Variants in DNAJC5 observed in about 807,000 individuals in gnomAD.
The protein encoded by DNAJC5 is dnaJ homolog subfamily C member 5.
In DNAJC5, 1 loss-of-function variant was observed where a neutral mutation model predicts 23.2. That is an observed-to-expected ratio of 0.04 (90% CI 0.02 to 0.20). DNAJC5 has a LOEUF of 0.20. DNAJC5 is among the 10% of genes least tolerant of loss of function. The pLI, the probability that DNAJC5 is intolerant of heterozygous loss-of-function variation, is 1.00. For synonymous variants in DNAJC5, 136 were observed against 120.0 expected (o/e 1.13, Z -0.87); for missense variants, 180 against 267.0 (o/e 0.67, Z 2.27).
At chr20:63,913,428 G>A (rs192427970) in intron 1 of DNAJC5, among the ~76,000 whole-genome samples, 2 of 149,708 alleles carry the variant, frequency 1.3e-5, no homozygotes, top group South Asian at 4.2e-4. Flanking sequence ...ACAGAGTCTC[G>A]CTCTGTTGCC....
rs1193464145 is a variant in DNAJC5, at chr20:63,932,495, G to T, written c.*927G>T. The T allele has an allele frequency of 3.3e-5, 5 of 152,608 alleles. No homozygotes were observed. Among genetic ancestry groups the T allele is most frequent in the African/African-American group, 1.2e-4 (5 of 41,358 alleles). 9.5% of individuals were successfully genotyped at this position (152,608 alleles called of 1,614,324 possible). ...TTCCATAGCCCTTTTTGGACCTTTA[G>T]AACCACAGATGATAGGACCAGCCCA... is the stretch of plus-strand genomic sequence containing the variant. On this transcript the variant is annotated 3_prime_UTR_variant, in exon 5 of 5. Transcript: ENST00000360864. The surrounding 1 kb of genome is among the most constrained non-coding windows in gnomAD (Gnocchi z 4.4).
At chr20:63,930,285 C>T (rs2053656688) in intron 3 of DNAJC5, among the ~76,000 whole-genome samples, 1 of 151,924 alleles carries the variant, frequency 6.6e-6, no homozygotes, top group Non-Finnish European at 1.5e-5. Flanking sequence ...TTCAAGTGAT[C>T]CTCCCACTTC....
intron 1 of DNAJC5, among the ~76,000 whole-genome samples, chr20:63,899,826 CCA>C (rs1195849476): frequency 2.2e-4 from 33 of 151,192 alleles, no homozygotes; most frequent in Admixed American, 4.0e-4. Flanking sequence ...TGTGATCCGC[CCA>C]TCTTGGCCTC....
chr20:63,906,356 T>C (rs1001989464), intron 1 of DNAJC5, among the ~76,000 whole-genome samples: 2 of 151,802 alleles, frequency 1.3e-5, no homozygotes, highest in Non-Finnish European at 2.9e-5. Context: ...CCAGGTGTGG[T>C]GCAGGCACCT....
intron 1 of DNAJC5, among the ~76,000 whole-genome samples, chr20:63,905,791 A>G (rs1172044000): frequency 6.9e-5 from 10 of 143,932 alleles, no homozygotes; most frequent in South Asian, 2.2e-4. Flanking sequence ...CTGGAGTGCA[A>G]TGGCACCATC....
chr20:63,905,669 A>G (rs1389841031), intron 1 of DNAJC5, among the ~76,000 whole-genome samples: 6 of 151,130 alleles, frequency 4.0e-5, no homozygotes, highest in Admixed American at 4.0e-4. Context: ...TCCTGGGTTC[A>G]AGCAATTCTC....
At chr20:63,911,483 G>A (rs756824590) in intron 1 of DNAJC5, among the ~76,000 whole-genome samples, 1 of 152,182 alleles carries the variant, frequency 6.6e-6, no homozygotes, top group Admixed American at 6.6e-5. Flanking sequence ...TCGGCCGGGC[G>A]CTGCCATGGC....
At position 63,935,419 on chromosome 20, in the gene DNAJC5, C is replaced by G. The variant is rs2053709927; in HGVS notation, c.*3851C>G. 1.3e-5 allele frequency: 2 copies of G among 152,360 alleles called. No individual in the cohort carries two copies. The highest frequency in any genetic ancestry group is 4.8e-5 in the African/African-American group (2 of 41,470). 9.4% of individuals were successfully genotyped at this position (152,360 alleles called of 1,614,324 possible). On this transcript the variant is annotated 3_prime_UTR_variant, in exon 5 of 5. Coordinates refer to ENST00000360864, the MANE Select transcript of DNAJC5 (RefSeq NM_025219.3). ...AGGGCACTGCCACGGCCCCCACCAG[C>G]ATTGGCCTCTGCTCTGCAGGGTGGG...
intron 1 of DNAJC5, among the ~76,000 whole-genome samples, chr20:63,895,577 G>C (rs2053369153): frequency 6.6e-6 from 1 of 151,198 alleles, no homozygotes; most frequent in African/African-American, 2.4e-5. Flanking sequence ...TGAGCACCGT[G>C]GTGGGGGCTG....
At chr20:63,925,639 G>A (rs1362660137) in intron 1 of DNAJC5, among the ~76,000 whole-genome samples, 1 of 151,682 alleles carries the variant, frequency 6.6e-6, no homozygotes, top group East Asian at 1.9e-4. Flanking sequence ...TCTTTGGCTT[G>A]GAGGTGGGTT....
chr20:63,902,855 T>C (rs1004289272), intron 1 of DNAJC5, among the ~76,000 whole-genome samples: 1 of 150,838 alleles, frequency 6.6e-6, no homozygotes, highest in African/African-American at 2.4e-5. Context: ...TTTTTTGTAT[T>C]TTTAGTAGAG....
chr20:63,926,836 G>C (rs527951788), intron 1 of DNAJC5, among the ~76,000 whole-genome samples: 3 of 152,286 alleles, frequency 2.0e-5, no homozygotes, highest in African/African-American at 4.8e-5. Flanking sequence ...ACCCTCCCAG[G>C]CACACCCTGA....
rs184624419 is a variant in DNAJC5 at position 63,899,803 on chromosome 20, G to C, written c.-12+4480G>C. ...TCGCGGTGTTAGCCAGGATGGTCTC[G>C]ATCTCCTGACCTTGTGATCCGCCCA... On this transcript the variant is annotated intron_variant, in intron 1 of 4. Coordinates refer to ENST00000360864, the MANE Select transcript of DNAJC5 (RefSeq NM_025219.3). Among the ~76,000 whole-genome samples the C allele has an allele frequency of 1.7e-3, 252 of 151,380 alleles. 3 individuals carry two copies. Among genetic ancestry groups the C allele is most frequent in the Non-Finnish European group, 2.4e-3 (161 of 67,936 alleles).
intron 1 of DNAJC5, among the ~76,000 whole-genome samples, chr20:63,927,548 A>C (rs981737249): frequency 7.1e-6 from 1 of 141,104 alleles, no homozygotes; most frequent in Non-Finnish European, 1.6e-5. Context: ...CCCCCCCCAA[A>C]AAAGAAAGAA....
chr20:63,907,373 G>C (rs1210835223), intron 1 of DNAJC5, among the ~76,000 whole-genome samples: 1 of 152,176 alleles, frequency 6.6e-6, no homozygotes, highest in Non-Finnish European at 1.5e-5. Flanking sequence ...CATCATAATA[G>C]CTAACATTAA....
chr20:63,905,978 C>T (rs994024633), intron 1 of DNAJC5, among the ~76,000 whole-genome samples: 3 of 151,046 alleles, frequency 2.0e-5, no homozygotes, highest in African/African-American at 7.3e-5. Flanking sequence ...TCAGGTGATC[C>T]GCCTCAGCCT....
intron 1 of DNAJC5, among the ~76,000 whole-genome samples, chr20:63,911,807 G>A (rs2053484339): frequency 6.6e-6 from 1 of 151,568 alleles, no homozygotes; most frequent in Admixed American, 6.6e-5. Context: ...CTGAGTAACT[G>A]GGACCACAGG....
chr20:63,911,215 G>C (rs1338260285), intron 1 of DNAJC5, among the ~76,000 whole-genome samples: 1 of 152,166 alleles, frequency 6.6e-6, no homozygotes, highest in Non-Finnish European at 1.5e-5. Flanking sequence ...GTTTGGTTTT[G>C]TTTCTCTGTA....
chr20:63,895,710 TC>T (rs2053370760), intron 1 of DNAJC5, among the ~76,000 whole-genome samples: 1 of 152,068 alleles, frequency 6.6e-6, no homozygotes, highest in Non-Finnish European at 1.5e-5. Context: ...AGCTGGGCCA[TC>T]GCTGGTCTTA....
Sources: allele counts gnomAD v4.1 joint callset (sites outside exome capture counted in the v4.1 genomes callset), GRCh38; gene constraint gnomAD v4.1.1; non-coding constraint Gnocchi (gnomAD v3.1); transcripts MANE v1.5; gene names NCBI Gene and HGNC (gene_info 2026-07-23, HGNC 2026-07-21).